The following SDK1 variants were observed in gnomAD, a reference collection of about 807,000 sequenced individuals.
SDK1 encodes sidekick cell adhesion molecule 1.
A neutral mutation model predicts 245.5 loss-of-function variants in SDK1; 157 were observed. That is an observed-to-expected ratio of 0.64 (90% CI 0.56 to 0.73). The LOEUF (loss-of-function observed/expected upper bound fraction) is 0.73. Among genes scored for constraint, SDK1 ranks in the 30% least tolerant of loss-of-function variants. The pLI, the probability that SDK1 is intolerant of heterozygous loss-of-function variation, is 0.00. For missense variants in SDK1, 3,583 were observed against 3,002.3 expected (o/e 1.19, Z -4.52); for synonymous variants, 1,647 against 1,278.5 (o/e 1.29, Z -6.15).
chr7:3,395,006 G>A (rs1342753844), intron 1 of SDK1, among the ~76,000 whole-genome samples: 1 of 151,818 alleles, frequency 6.6e-6, no homozygotes, highest in Non-Finnish European at 1.5e-5. Flanking sequence ...TGTTTTTCTT[G>A]GGTGGTTAGA....
intron 1 of SDK1, among the ~76,000 whole-genome samples, chr7:3,440,318 A>T (rs930648478): frequency 6.6e-6 from 1 of 152,204 alleles, no homozygotes; most frequent in Non-Finnish European, 1.5e-5. Flanking sequence ...CAGGTTGCTC[A>T]GTGCAAGTGA....
At chr7:3,896,397 C>T (rs1300042790) in intron 5 of SDK1, among the ~76,000 whole-genome samples, 13 of 152,176 alleles carry the variant, frequency 8.5e-5, no homozygotes, top group Non-Finnish European at 2.9e-5. Context: ...GTTGCCTCCT[C>T]CTGTTATTTC....
At chr7:4,261,922 T>A (rs1367835552) in intron 44 of SDK1, among the ~76,000 whole-genome samples, 1 of 150,884 alleles carries the variant, frequency 6.6e-6, no homozygotes, top group South Asian at 2.1e-4. Flanking sequence ...CCCAGGATGC[T>A]TCCATGCATC....
chr7:4,200,416 A>G (rs1407840802), intron 35 of SDK1, among the ~76,000 whole-genome samples: 1 of 152,220 alleles, frequency 6.6e-6, no homozygotes, highest in African/African-American at 2.4e-5. Context: ...AACAACACAC[A>G]TCTCCTACCT....
chr7:3,671,201 G>A (rs554484512), intron 4 of SDK1, among the ~76,000 whole-genome samples: 12 of 152,240 alleles, frequency 7.9e-5, no homozygotes, highest in South Asian at 4.2e-4. Context: ...TTTGGACTTC[G>A]TGTCTGTTTC....
intron 1 of SDK1, among the ~76,000 whole-genome samples, chr7:3,495,996 A>C (rs939189750): frequency 6.6e-6 from 1 of 152,358 alleles, no homozygotes; most frequent in Admixed American, 6.5e-5. Context: ...GTGGCCCGTC[A>C]CTATAACATT....
rs567663656 is a variant in SDK1, at chr7:3,621,047, G to A, written c.458+1808G>A. 5.7e-4 allele frequency among the ~76,000 whole-genome samples: 86 copies of A among 152,198 alleles called. 3 individuals carry two copies. In the South Asian group the frequency reaches 0.017, roughly 31 times the overall value. On this transcript the variant is annotated intron_variant, in intron 2 of 44. Transcript: ENST00000404826. ...GGTGACCCATGAGCCCTCCCCTCCC[G>A]TAAGTGAAAAGAGAGTGACGTAAGC...
intron 30 of SDK1, among the ~76,000 whole-genome samples, chr7:4,154,294 T>C (rs1387119116): frequency 6.6e-6 from 1 of 152,182 alleles, no homozygotes; most frequent in African/African-American, 2.4e-5. Context: ...TGATTTGGGG[T>C]AAGCAAGAGT....
At chr7:3,587,242 G>A (rs1366632161) in intron 1 of SDK1, among the ~76,000 whole-genome samples, 1 of 152,136 alleles carries the variant, frequency 6.6e-6, no homozygotes, top group East Asian at 1.9e-4. Flanking sequence ...GGGATTTAGA[G>A]TTTGAGATTT....
chr7:3,969,430 G>T lies in SDK1; in HGVS notation c.1714+6G>T. On this transcript the variant is annotated splice_donor_region_variant and intron_variant, in intron 11 of 44. Transcript: ENST00000404826. ...GGCCACGCTCACTGTGTGGAGTAAGGAGCAGCCCTCGCACGTCGGCCTTCT... is the reference window on the plus strand; with the variant it reads ...GGCCACGCTCACTGTGTGGAGTAAGTAGCAGCCCTCGCACGTCGGCCTTCT... The T allele has an allele frequency of 6.4e-7, 1 of 1,557,208 alleles. No individual in the cohort carries two copies. Among genetic ancestry groups the T allele is most frequent in the South Asian group, 1.2e-5 (1 of 81,716 alleles).
In SDK1 at chr7:4,017,136, T is replaced by C; in HGVS notation, c.2421-35T>C. ...TAAACACCGTTCCTGGGTCCAGTTA[T>C]TTCCTTATCGTGATGGGCTTCCTTC... On this transcript the variant is annotated intron_variant, in intron 16 of 44. Transcript: ENST00000404826. The C allele has an allele frequency of 1.3e-6, 2 of 1,571,272 alleles. 1 individual carries two copies. The highest frequency in any genetic ancestry group is 2.4e-5 in the South Asian group (2 of 83,234).
At chr7:3,333,634 C>T (rs546989868) in intron 1 of SDK1, among the ~76,000 whole-genome samples, 40 of 152,296 alleles carry the variant, frequency 2.6e-4, no homozygotes, top group Non-Finnish European at 4.4e-4. Flanking sequence ...TACCCCTAAC[C>T]TAGCACAAAC....
At chr7:3,902,486 C>T (rs1029199401) in intron 5 of SDK1, among the ~76,000 whole-genome samples, 1 of 152,190 alleles carries the variant, frequency 6.6e-6, no homozygotes, top group African/African-American at 2.4e-5. Context: ...GAAGATGTCT[C>T]ATTAAGGGTT....
intron 1 of SDK1, among the ~76,000 whole-genome samples, chr7:3,432,892 A>T (rs927931214): frequency 6.6e-6 from 1 of 152,240 alleles, no homozygotes; most frequent in Non-Finnish European, 1.5e-5. Flanking sequence ...GAAGAATTTC[A>T]TGGCTGAGCC....
At chr7:3,591,268 C>T (rs1219969566) in intron 1 of SDK1, among the ~76,000 whole-genome samples, 2 of 152,106 alleles carry the variant, frequency 1.3e-5, no homozygotes, top group Non-Finnish European at 2.9e-5. Flanking sequence ...TGTCATAATA[C>T]TGAGTGCCAG....
intron 1 of SDK1, among the ~76,000 whole-genome samples, chr7:3,303,567 C>T (rs565882211): frequency 5.4e-4 from 34 of 62,846 alleles, no homozygotes; most frequent in Non-Finnish European, 8.8e-4. Context: ...AGGCAACAAC[C>T]GAACTTTGTT....
rs1328779926 is a variant in SDK1, at chr7:4,174,370, C to G, written c.4936+13C>G. The G allele has an allele frequency of 6.2e-7, 1 of 1,613,334 alleles. No homozygotes were observed. The highest frequency in any genetic ancestry group is 1.1e-5 in the South Asian group (1 of 91,056). On this transcript the variant is annotated intron_variant, in intron 33 of 44. Transcript: ENST00000404826. Reference sequence around the variant, plus strand: ...GCTGAGCTCACAGGTGAGACTGTCCCCTCTGTCCTGGTACAGGGAGGGAGG... The same window carrying G: ...GCTGAGCTCACAGGTGAGACTGTCCGCTCTGTCCTGGTACAGGGAGGGAGG...
chr7:4,145,948 G>C (rs1246519075), intron 29 of SDK1, 32 bp downstream of exon 29: 1 of 1,562,302 alleles, frequency 6.4e-7, no homozygotes, highest in Non-Finnish European at 8.7e-7. Flanking sequence ...GGGTACTGCA[G>C]ATGTTGTGGG....
chr7:3,957,424 C>G (rs1781359692), intron 7 of SDK1, among the ~76,000 whole-genome samples: 1 of 152,224 alleles, frequency 6.6e-6, no homozygotes, highest in Admixed American at 6.5e-5. Flanking sequence ...TCCATGAGCT[C>G]TTTCAGTGTT....
Sources: allele counts gnomAD v4.1 joint callset (sites outside exome capture counted in the v4.1 genomes callset), GRCh38; gene constraint gnomAD v4.1.1; transcripts MANE v1.5; gene names NCBI Gene and HGNC (gene_info 2026-07-23, HGNC 2026-07-21).